SLC26A8: variants seen among roughly 807,000 people sequenced by gnomAD.
SLC26A8 encodes solute carrier family 26 member 8.
In SLC26A8, 70 loss-of-function variants were observed where a neutral mutation model predicts 105.0. That is an observed-to-expected ratio of 0.67 (90% CI 0.55 to 0.81). The LOEUF is 0.81. SLC26A8 is among the 40% of genes least tolerant of loss of function. SLC26A8 has a pLI of 0.00. For synonymous variants in SLC26A8, 415 were observed against 438.3 expected, an observed-to-expected ratio of 0.95 and a Z score of 0.66; for missense variants, 998 against 1,181.8, an observed-to-expected ratio of 0.84 and a Z score of 2.28.
Position 35,951,450 on chromosome 6 carries a change from C to T in SLC26A8, c.2282G>A (p.Cys761Tyr). The change falls in exon 18 of 20, where the codon TGT becomes TAT. Residue 761 changes from cysteine (C) to tyrosine (Y), a missense_variant. Transcript: ENST00000490799. ...ATAGGGTGAAGGATACTCACAGTGA[C>T]ACCCTGCAATGAGTATCAAAATGTT... is the stretch of plus-strand genomic sequence containing the variant. ...NANILILIAG[C>Y]HSSIVRAFER... 1.9e-6 allele frequency: 3 copies of T among 1,614,132 alleles called. 1 individual carries two copies. Among genetic ancestry groups the T allele is most frequent in the South Asian group, 2.2e-5 (2 of 91,076 alleles).
At chr6:35,991,390 C>G (rs905994194) in intron 7 of SLC26A8, among the ~76,000 whole-genome samples, 3 of 117,332 alleles carry the variant, frequency 2.6e-5, no homozygotes, top group African/African-American at 9.9e-5. Flanking sequence ...GGCAGCAGAG[C>G]AAGACTCTGT....
In SLC26A8 at chr6:35,959,588, C is replaced by G. The variant is rs1402065519; in HGVS notation, c.1735G>C (p.Asp579His). 6 of 1,612,506 alleles carry G rather than the reference C, an allele frequency of 3.7e-6. No individual in the cohort carries two copies. The highest frequency in any genetic ancestry group is 5.1e-6 in the Non-Finnish European group (6 of 1,179,592). ...TCTTTAAGAGGCACCTTTACCATATCAACCTGAAAGACATGAGAGGTCTCA... is the reference window on the plus strand; with the variant it reads ...TCTTTAAGAGGCACCTTTACCATATGAACCTGAAAGACATGAGAGGTCTCA... ...YLKHKLLKEV[D>H]MVKVPLKEEE... Residue 579 changes from aspartate (D) to histidine (H), a missense_variant, in exon 16 of 20, where the codon GAT becomes CAT. Transcript: ENST00000490799.
intron 5 of SLC26A8, among the ~76,000 whole-genome samples, chr6:35,997,400 G>A (rs1235730830): frequency 6.6e-6 from 1 of 152,178 alleles, no homozygotes; most frequent in African/African-American, 2.4e-5. Context: ...CCTGCCATTT[G>A]TGGAAAAATT....
intron 19 of SLC26A8, among the ~76,000 whole-genome samples, chr6:35,948,896 A>G (rs1243748794): frequency 6.6e-6 from 1 of 152,160 alleles, no homozygotes; most frequent in Non-Finnish European, 1.5e-5. Flanking sequence ...CTGGAGGGCT[A>G]GCATAAACCC....
At chr6:35,957,653 C>G (rs1772135905) in intron 16 of SLC26A8, among the ~76,000 whole-genome samples, 1 of 149,068 alleles carries the variant, frequency 6.7e-6, no homozygotes, top group East Asian at 2.0e-4. Flanking sequence ...GTTGCCCAGG[C>G]TAGAGTGCAG....
chr6:35,997,635 T>C, intron 5 of SLC26A8, 103 bp downstream of exon 5: 1 of 1,160,244 alleles, frequency 8.6e-7, no homozygotes, highest in African/African-American at 1.5e-5. Flanking sequence ...TCACTGAAGT[T>C]CCAGGTATAT....
Position 35,951,330 on chromosome 6 carries a change from A to T in SLC26A8, c.2305T>A (p.Phe769Ile). ...GCGTCAAAGAAATCATTCCTCTCAA[A>T]TGCCCTGACTATGGAAGCTAAAAAC... ...AGCHSSIVRA[F>I]ERNDFFDAGI... Residue 769 changes from phenylalanine (F) to isoleucine (I), a missense_variant, in exon 19 of 20, where the codon TTT becomes ATT. Coordinates refer to ENST00000490799, the MANE Select transcript of SLC26A8 (RefSeq NM_052961.4). 1 of 1,614,074 alleles carries T rather than the reference A, an allele frequency of 6.2e-7. No individual in the cohort carries two copies. Among genetic ancestry groups the T allele is most frequent in the Non-Finnish European group, 8.5e-7 (1 of 1,180,014 alleles).
At chr6:35,994,215 C>T (rs868351012) in intron 5 of SLC26A8, among the ~76,000 whole-genome samples, 19 of 149,596 alleles carry the variant, frequency 1.3e-4, no homozygotes, top group Non-Finnish European at 7.4e-5. Context: ...CCCAGGTTCA[C>T]GCCATTCTCC....
At position 36,023,129 on chromosome 6, in the gene SLC26A8, T is replaced by C. The variant is rs945180464; in HGVS notation, c.-3+1375A>G. On this transcript the variant is annotated intron_variant, in intron 1 of 19. Coordinates refer to ENST00000490799, the MANE Select transcript of SLC26A8 (RefSeq NM_052961.4). Reference sequence around the variant, plus strand: ...GGGCCCTGTTAAAATACAAGCACTTTTGGCCTAGCTCTTTCACCCTCCATA... The same window carrying C: ...GGGCCCTGTTAAAATACAAGCACTTCTGGCCTAGCTCTTTCACCCTCCATA... Among the ~76,000 whole-genome samples the C allele has an allele frequency of 1.3e-4, 20 of 151,742 alleles. 1 individual carries two copies. Among genetic ancestry groups the C allele is most frequent in the African/African-American group, 4.8e-4 (20 of 41,290 alleles).
intron 8 of SLC26A8, among the ~76,000 whole-genome samples, chr6:35,979,766 C>A (rs1773198190): frequency 6.6e-6 from 1 of 152,072 alleles, no homozygotes; most frequent in African/African-American, 2.4e-5. Flanking sequence ...TTCTTGTTAG[C>A]AAATGAGGTT....
intron 4 of SLC26A8, among the ~76,000 whole-genome samples, chr6:35,998,188 A>G (rs530247086): frequency 1.3e-5 from 2 of 152,318 alleles, no homozygotes; most frequent in East Asian, 3.9e-4. Flanking sequence ...AGTTGACTGA[A>G]ATGGGTGTCA....
At chr6:35,997,670 A>T in intron 5 of SLC26A8, 68 bp downstream of exon 5, 2 of 1,463,152 alleles carry the variant, frequency 1.4e-6, no homozygotes, top group Non-Finnish European at 1.9e-6. Context: ...GGAGCAGTAT[A>T]AGGAAGGGGT....
In SLC26A8 at chr6:35,959,605, G is replaced by C; in HGVS notation, c.1732-14C>G. 6.2e-7 allele frequency: 1 copy of C among 1,611,464 alleles called. No homozygotes were observed. Among genetic ancestry groups the C allele is most frequent in the Non-Finnish European group, 8.5e-7 (1 of 1,179,334 alleles). On this transcript the variant is annotated splice_polypyrimidine_tract_variant and intron_variant, in intron 15 of 19. Coordinates refer to ENST00000490799, the MANE Select transcript of SLC26A8 (RefSeq NM_052961.4). ...TACCATATCAACCTGAAAGACATGAGAGGTCTCATCCAGAGGAAGAATGGT... is the reference window on the plus strand; with the variant it reads ...TACCATATCAACCTGAAAGACATGACAGGTCTCATCCAGAGGAAGAATGGT...
At position 35,982,231 on chromosome 6, in the gene SLC26A8, G is replaced by C. The variant is rs368709783; in HGVS notation, c.943-28C>G. The C allele has an allele frequency of 3.1e-6, 5 of 1,605,192 alleles. No individual in the cohort carries two copies. In the African/African-American group the frequency reaches 4.0e-5, roughly 13 times the overall value. On this transcript the variant is annotated intron_variant, in intron 7 of 19. Coordinates refer to ENST00000490799, the MANE Select transcript of SLC26A8 (RefSeq NM_052961.4). ...GTAGGGGGTAAAAAAAGAAGGGATG[G>C]GGGCATATGAATACCTAAATATAGT...
At chr6:35,950,104 G>A (rs1016024894) in intron 19 of SLC26A8, among the ~76,000 whole-genome samples, 4 of 151,038 alleles carry the variant, frequency 2.6e-5, no homozygotes, top group Admixed American at 1.3e-4. Context: ...CCCGTTGTAC[G>A]GTCTTAACTG....
chr6:36,023,530 G>C (rs1218882337), intron 1 of SLC26A8, among the ~76,000 whole-genome samples: 2 of 123,602 alleles, frequency 1.6e-5, no homozygotes, highest in African/African-American at 3.2e-5. Flanking sequence ...CTGGGCGACA[G>C]AGCAAGACTC....
rs368658676 is a variant in SLC26A8, at chr6:35,962,220, C to T, written c.1461+306G>A. On this transcript the variant is annotated intron_variant, in intron 12 of 19. Coordinates refer to ENST00000490799, the MANE Select transcript of SLC26A8 (RefSeq NM_052961.4). ...CAGCCTGGGCAACAGAGTGAGACTCCGTCTCAAAAAAAAAAAAAAAAAGTT... is the reference window on the plus strand; with the variant it reads ...CAGCCTGGGCAACAGAGTGAGACTCTGTCTCAAAAAAAAAAAAAAAAAGTT... Among the ~76,000 whole-genome samples, 149 of 124,738 alleles carry T rather than the reference C, an allele frequency of 1.2e-3. 2 individuals carry two copies. The highest frequency in any genetic ancestry group is 5.4e-3 in the African/African-American group (142 of 26,458). 81.8% of individuals were successfully genotyped at this position (124,738 alleles called of 152,430 possible).
At chr6:35,980,007 C>T (rs1773208306) in intron 8 of SLC26A8, among the ~76,000 whole-genome samples, 1 of 152,214 alleles carries the variant, frequency 6.6e-6, no homozygotes, top group African/African-American at 2.4e-5. Context: ...TAGTCTCCCT[C>T]TATTGCCCAG....
At chr6:36,022,142 T>G (rs1762142033) in intron 1 of SLC26A8, among the ~76,000 whole-genome samples, 1 of 152,008 alleles carries the variant, frequency 6.6e-6, no homozygotes, top group Non-Finnish European at 1.5e-5. Context: ...AATTTTTGTA[T>G]TTTTGGTGGA....
Sources: gnomAD v4.1 joint callset for allele counts (sites outside exome capture counted in the v4.1 genomes callset) on GRCh38, gnomAD v4.1.1 for gene constraint, MANE v1.5 for transcripts, NCBI Gene and HGNC (gene_info 2026-07-23, HGNC 2026-07-21) for gene names.